GRM8: variants seen among roughly 807,000 people sequenced by gnomAD.
The protein encoded by GRM8 is metabotropic glutamate receptor 8.
Under a neutral mutation model 87.2 loss-of-function variants are expected in GRM8, and 47 were observed. That is an observed-to-expected ratio of 0.54 (90% CI 0.43 to 0.69). The LOEUF is 0.69. Among genes scored for constraint, GRM8 ranks in the 30% least tolerant of loss-of-function variants. The pLI, the probability that GRM8 is intolerant of heterozygous loss-of-function variation, is 0.00. For missense variants in GRM8, 1,019 were observed against 1,139.2 expected, an observed-to-expected ratio of 0.89 and a Z score of 1.52; for synonymous variants, 396 against 404.5, an observed-to-expected ratio of 0.98 and a Z score of 0.25.
At chr7:127,088,616 C>T (rs1313716021) in intron 3 of GRM8, among the ~76,000 whole-genome samples, 1 of 152,086 alleles carries the variant, frequency 6.6e-6, no homozygotes, top group African/African-American at 2.4e-5. Context: ...TTGCTAATTC[C>T]CCTGAGAAAG....
At chr7:126,547,740 A>G (rs1011514062) in intron 8 of GRM8, among the ~76,000 whole-genome samples, 3 of 152,154 alleles carry the variant, frequency 2.0e-5, no homozygotes, top group Admixed American at 6.6e-5. Context: ...AAATTTTTCC[A>G]GAATGAAAGT....
chr7:126,767,841 C>T (rs1585851486), intron 7 of GRM8, among the ~76,000 whole-genome samples: 2 of 152,086 alleles, frequency 1.3e-5, no homozygotes, highest in African/African-American at 2.4e-5. Flanking sequence ...ACAACCAAGA[C>T]TCAAGCCCAG....
At chr7:126,843,505 G>C (rs35864494) in intron 6 of GRM8, among the ~76,000 whole-genome samples, 38,880 of 152,156 alleles carry the variant, frequency 0.26, 6,177 homozygotes, top group Non-Finnish European at 0.35. Context: ...GGTCTTCATA[G>C]CATCCTGCAA....
At chr7:126,611,258 C>T (rs533297347) in intron 7 of GRM8, among the ~76,000 whole-genome samples, 1 of 152,242 alleles carries the variant, frequency 6.6e-6, no homozygotes, top group South Asian at 2.1e-4. Context: ...CTAGTGACCT[C>T]GAGCAGGTTA....
At chr7:126,543,876 T>C (rs1001758270) in intron 8 of GRM8, among the ~76,000 whole-genome samples, 1 of 152,130 alleles carries the variant, frequency 6.6e-6, no homozygotes, top group Non-Finnish European at 1.5e-5. Context: ...AAGAATCTAG[T>C]CCACAGTGCA....
intron 9 of GRM8, among the ~76,000 whole-genome samples, chr7:126,484,841 G>T (rs768578343): frequency 6.6e-6 from 1 of 151,228 alleles, no homozygotes; most frequent in Admixed American, 6.6e-5. Context: ...GGAAAGCTGG[G>T]TAAGGCTGTG....
chr7:126,508,368 G>T (rs558740298), intron 9 of GRM8, among the ~76,000 whole-genome samples: 1 of 151,860 alleles, frequency 6.6e-6, no homozygotes, highest in South Asian at 2.1e-4. Context: ...GTCATCACAT[G>T]GTAGAAAGTA....
At chr7:126,795,914 T>G in intron 6 of GRM8, among the ~76,000 whole-genome samples, 1 of 151,636 alleles carries the variant, frequency 6.6e-6, no homozygotes, top group East Asian at 1.9e-4. Context: ...ACCCCACATT[T>G]AAAACATCAA....
At chr7:126,822,896 C>A (rs149283197) in intron 6 of GRM8, among the ~76,000 whole-genome samples, 125 of 152,342 alleles carry the variant, frequency 8.2e-4, no homozygotes, top group African/African-American at 3.0e-3. Flanking sequence ...CAACACATTT[C>A]TGTCTCCTAG....
chr7:127,027,468 C>G (rs1410834496), intron 3 of GRM8, among the ~76,000 whole-genome samples: 2 of 152,164 alleles, frequency 1.3e-5, no homozygotes, highest in Non-Finnish European at 2.9e-5. Context: ...TATCCATGAG[C>G]ATGGAATGTT....
chr7:126,461,193 G>C (rs1803858537), intron 9 of GRM8, among the ~76,000 whole-genome samples: 1 of 151,420 alleles, frequency 6.6e-6, no homozygotes, highest in Admixed American at 6.6e-5. Context: ...TTGAGAATAA[G>C]GACAGCAGAT....
In GRM8 at chr7:126,676,055, A is replaced by C. The variant is rs189191335; in HGVS notation, c.1358-66557T>G. Among the ~76,000 whole-genome samples, 221 of 152,338 alleles carry C rather than the reference A, an allele frequency of 1.5e-3. 1 individual carries two copies. Among genetic ancestry groups the C allele is most frequent in the Admixed American group, 0.012 (184 of 15,306 alleles). On this transcript the variant is annotated intron_variant, in intron 7 of 10. Transcript: ENST00000339582. Reference sequence around the variant, plus strand: ...CACTGAAGTCTCAGGTTATAAAACCAATGTACACAAATCAGTAGCACTGCT... The same window carrying C: ...CACTGAAGTCTCAGGTTATAAAACCCATGTACACAAATCAGTAGCACTGCT...
intron 3 of GRM8, among the ~76,000 whole-genome samples, chr7:126,951,624 C>T (rs754978125): frequency 1.1e-4 from 16 of 152,112 alleles, no homozygotes; most frequent in South Asian, 8.3e-4. Context: ...TGCATAAATG[C>T]TAGAATTTAG....
At chr7:126,613,042 T>C (rs1297912479) in intron 7 of GRM8, among the ~76,000 whole-genome samples, 5 of 152,222 alleles carry the variant, frequency 3.3e-5, no homozygotes. Context: ...CGATTTCTAG[T>C]CTTAAATTAG....
intron 3 of GRM8, among the ~76,000 whole-genome samples, chr7:126,992,723 A>C (rs747835708): frequency 6.6e-6 from 1 of 152,150 alleles, no homozygotes; most frequent in Non-Finnish European, 1.5e-5. Flanking sequence ...AATTAGGTTT[A>C]CATGAGGCCA....
chr7:126,647,568 T>C (rs555425790), intron 7 of GRM8, among the ~76,000 whole-genome samples: 9 of 152,160 alleles, frequency 5.9e-5, no homozygotes, highest in African/African-American at 2.2e-4. Flanking sequence ...AATTAAAAAA[T>C]GCAGAAATGA....
At chr7:126,953,952 AACTAGG>A (rs1243616514) in intron 3 of GRM8, among the ~76,000 whole-genome samples, 1 of 152,152 alleles carries the variant, frequency 6.6e-6, no homozygotes, top group Non-Finnish European at 1.5e-5. Context: ...AGAGAAACCT[AACTAGG>A]ACTAGAAGAT....
chr7:126,630,527 G>A (rs1027091242), intron 7 of GRM8, among the ~76,000 whole-genome samples: 7 of 151,962 alleles, frequency 4.6e-5, no homozygotes, highest in Admixed American at 3.3e-4. Context: ...TCTCTAAGTC[G>A]TTAAATGAGG....
intron 8 of GRM8, among the ~76,000 whole-genome samples, chr7:126,569,076 T>TTTCTTTCCATTTTGTTTTCTTTCC (rs1794478005): frequency 6.6e-6 from 1 of 152,200 alleles, no homozygotes; most frequent in Admixed American, 6.6e-5. Context: ...AATTCCACTC[T>TTTCTTTCCATTTTGTTTTCTTTCC]ATTATACTTC....
Sources: gnomAD v4.1 joint callset for allele counts (sites outside exome capture counted in the v4.1 genomes callset) on GRCh38, gnomAD v4.1.1 for gene constraint, MANE v1.5 for transcripts, NCBI Gene and HGNC (gene_info 2026-07-23, HGNC 2026-07-21) for gene names.